The following CTNNA3 variants were observed in gnomAD, a reference collection of about 807,000 sequenced individuals.
CTNNA3 encodes catenin alpha 3.
A neutral mutation model predicts 95.7 loss-of-function variants in CTNNA3; 76 were observed. The observed-to-expected ratio is 0.79, with a 90% CI of 0.66 to 0.96. CTNNA3 has a LOEUF of 0.96. CTNNA3 is among the 40% of genes least tolerant of loss of function. The probability of loss-of-function intolerance (pLI) is 0.00; values close to 1 mark genes in which losing one functional copy is unlikely to be tolerated. For missense variants in CTNNA3, 1,191 were observed against 1,089.8 expected (o/e 1.09, Z -1.31); for synonymous variants, 431 against 374.4 (o/e 1.15, Z -1.74).
At chr10:66,481,773 G>C (rs897625399) in intron 11 of CTNNA3, among the ~76,000 whole-genome samples, 8 of 151,970 alleles carry the variant, frequency 5.3e-5, no homozygotes, top group African/African-American at 7.2e-5. Context: ...GTTGTTTCTT[G>C]CATTAAAATA....
intron 12 of CTNNA3, among the ~76,000 whole-genome samples, chr10:66,282,157 A>G (rs2091504232): frequency 6.6e-6 from 1 of 151,792 alleles, no homozygotes; most frequent in African/African-American, 2.4e-5. Context: ...GCACTGAGAA[A>G]CCTTCAAATC....
At chr10:66,699,315 A>T (rs1410274095) in intron 9 of CTNNA3, among the ~76,000 whole-genome samples, 1 of 152,102 alleles carries the variant, frequency 6.6e-6, no homozygotes, top group African/African-American at 2.4e-5. Flanking sequence ...TAACTGTACC[A>T]ATTTCCATTA....
At chr10:66,837,957 TC>T (rs1479581021) in intron 7 of CTNNA3, among the ~76,000 whole-genome samples, 1 of 152,088 alleles carries the variant, frequency 6.6e-6, no homozygotes, top group Non-Finnish European at 1.5e-5. Flanking sequence ...CCTGAGTTCC[TC>T]CTTTCTCTCA....
At chr10:66,095,289 T>C (rs1345303126) in intron 14 of CTNNA3, among the ~76,000 whole-genome samples, 2 of 151,828 alleles carry the variant, frequency 1.3e-5, no homozygotes, top group Non-Finnish European at 1.5e-5. Context: ...CCATGAAAAA[T>C]ATGAAAAAGA....
chr10:66,987,047 C>T (rs1188632783), intron 7 of CTNNA3, among the ~76,000 whole-genome samples: 2 of 152,046 alleles, frequency 1.3e-5, no homozygotes, highest in African/African-American at 4.8e-5. Flanking sequence ...ACAAGATTTT[C>T]TGGAGAGAAA....
chr10:67,650,463 T>C (rs916068507), intron 1 of CTNNA3, among the ~76,000 whole-genome samples: 23 of 152,332 alleles, frequency 1.5e-4, no homozygotes, highest in African/African-American at 5.3e-4. Context: ...ACAGTGGTGA[T>C]AGATGTCTCC....
intron 7 of CTNNA3, among the ~76,000 whole-genome samples, chr10:66,845,897 G>A (rs959416645): frequency 1.3e-5 from 2 of 151,812 alleles, no homozygotes; most frequent in Non-Finnish European, 2.9e-5. Flanking sequence ...TTGGGAGGCC[G>A]AAGCTGGCAG....
intron 1 of CTNNA3, among the ~76,000 whole-genome samples, chr10:67,726,477 T>C (rs1841223366): frequency 3.2e-5 from 2 of 61,554 alleles, no homozygotes; most frequent in East Asian, 6.9e-4. Flanking sequence ...TATAATATTA[T>C]ATATTATATC....
At chr10:66,870,852 C>T (rs1437306956) in intron 7 of CTNNA3, among the ~76,000 whole-genome samples, 1 of 152,110 alleles carries the variant, frequency 6.6e-6, no homozygotes, top group Non-Finnish European at 1.5e-5. Context: ...TACCTAAATT[C>T]AACAACAAAG....
rs1176491647 is a variant in CTNNA3, at chr10:66,308,111, A to G, written c.1733-27490T>C. Among the ~76,000 whole-genome samples the G allele has an allele frequency of 2.0e-5, 3 of 152,172 alleles. No homozygotes were observed. The East Asian group carries it at 5.8e-4, about 29-fold the overall frequency. The stretch of plus-strand genomic sequence containing the variant: ...GTGGCAGGATTTTTATGCTTTAAAC[A>G]TTTTGCTATAACCCTGCATTTTTTG... On this transcript the variant is annotated intron_variant, in intron 12 of 17. Coordinates refer to ENST00000433211, the MANE Select transcript of CTNNA3 (RefSeq NM_013266.4).
At chr10:67,408,609 G>A (rs754613091) in intron 5 of CTNNA3, among the ~76,000 whole-genome samples, 13 of 151,982 alleles carry the variant, frequency 8.6e-5, no homozygotes, top group African/African-American at 2.2e-4. Flanking sequence ...AGACTTAAAT[G>A]TAAAACCCAA....
chr10:67,487,656 C>T (rs1848494173), intron 5 of CTNNA3, among the ~76,000 whole-genome samples: 1 of 152,160 alleles, frequency 6.6e-6, no homozygotes, highest in African/African-American at 2.4e-5. Flanking sequence ...AGAGTTGTAA[C>T]CTGTATCCTT....
chr10:65,991,508 T>TG (rs990380692), intron 15 of CTNNA3, among the ~76,000 whole-genome samples: 1 of 151,982 alleles, frequency 6.6e-6, no homozygotes, highest in African/African-American at 2.4e-5. Context: ...TAGGCTTTTT[T>TG]TTTGTAGCTA....
intron 5 of CTNNA3, among the ~76,000 whole-genome samples, chr10:67,353,001 C>A (rs1478650069): frequency 6.6e-6 from 1 of 151,868 alleles, no homozygotes; most frequent in African/African-American, 2.4e-5. Context: ...GGAAGGAAAA[C>A]CTAAGTGTCA....
At chr10:66,998,677 A>C (rs987011261) in intron 7 of CTNNA3, among the ~76,000 whole-genome samples, 2 of 152,168 alleles carry the variant, frequency 1.3e-5, no homozygotes, top group African/African-American at 4.8e-5. Context: ...TTCCAAACTC[A>C]TATGTGAGAA....
chr10:66,648,900 T>G (rs1476183105), intron 9 of CTNNA3, among the ~76,000 whole-genome samples: 1 of 152,208 alleles, frequency 6.6e-6, no homozygotes, highest in Admixed American at 6.5e-5. Context: ...GAGATCCATC[T>G]GCATATAGCT....
At chr10:66,814,144 G>T (rs1004986922) in intron 7 of CTNNA3, among the ~76,000 whole-genome samples, 10 of 151,868 alleles carry the variant, frequency 6.6e-5, no homozygotes, top group Non-Finnish European at 1.3e-4. Flanking sequence ...TGGGGCAAAA[G>T]CTCAGGAAAG....
intron 2 of CTNNA3, among the ~76,000 whole-genome samples, chr10:67,609,388 T>C (rs1843384779): frequency 6.6e-6 from 1 of 152,158 alleles, no homozygotes; most frequent in African/African-American, 2.4e-5. Context: ...CGTTGTTGTT[T>C]GTTTATGGAG....
At chr10:66,900,244 C>T (rs958874420) in intron 7 of CTNNA3, among the ~76,000 whole-genome samples, 1 of 152,122 alleles carries the variant, frequency 6.6e-6, no homozygotes, top group Non-Finnish European at 1.5e-5. Context: ...TGGAGTGGAC[C>T]TCCAGCAAAC....
Sources: gnomAD v4.1 joint callset for allele counts (sites outside exome capture counted in the v4.1 genomes callset) on GRCh38, gnomAD v4.1.1 for gene constraint, MANE v1.5 for transcripts, NCBI Gene and HGNC (gene_info 2026-07-23, HGNC 2026-07-21) for gene names.